USH2A: variants seen among roughly 807,000 people sequenced by gnomAD.
USH2A encodes the protein usherin, also known as Usher syndrome 2A (autosomal recessive, mild).
A neutral mutation model predicts 538.9 loss-of-function variants in USH2A; 443 were observed. The observed-to-expected ratio is 0.82, with a 90% CI of 0.76 to 0.89. USH2A has a LOEUF of 0.89. USH2A is among the 40% of genes least tolerant of loss of function. The pLI is 0.00. For missense variants in USH2A, 6,633 were observed against 6,324.8 expected (o/e 1.05, Z -1.65); for synonymous variants, 2,413 against 2,273.5 (o/e 1.06, Z -1.75).
intron 38 of USH2A, among the ~76,000 whole-genome samples, chr1:215,934,291 C>A (rs1197329829): frequency 6.6e-6 from 1 of 151,844 alleles, no homozygotes; most frequent in Non-Finnish European, 1.5e-5. Context: ...TTAAGTAACG[C>A]CTTGAACAAA....
intron 44 of USH2A, 102 bp downstream of exon 44, chr1:215,866,905 C>T (rs1218835176): frequency 1.3e-6 from 2 of 1,515,102 alleles, no homozygotes; most frequent in East Asian, 4.6e-5. Flanking sequence ...AGTAACACTT[C>T]ACTATCAAAA....
intron 37 of USH2A, among the ~76,000 whole-genome samples, chr1:215,949,600 T>A (rs1666860288): frequency 2.0e-5 from 3 of 151,852 alleles, no homozygotes; most frequent in Non-Finnish European, 2.9e-5. Context: ...GGAGAAGAAA[T>A]AAATAGCTCA....
chr1:215,626,644 C>T (rs1002087088), intron 71 of USH2A, among the ~76,000 whole-genome samples: 7 of 151,886 alleles, frequency 4.6e-5, no homozygotes, highest in African/African-American at 7.3e-5. Flanking sequence ...TTATTAGTAC[C>T]GTAAAAAGCA....
At chr1:216,199,372 T>A (rs1184276537) in intron 17 of USH2A, among the ~76,000 whole-genome samples, 1 of 152,188 alleles carries the variant, frequency 6.6e-6, no homozygotes. Context: ...ATGGCAGATG[T>A]CATTAAGAGC....
chr1:215,883,507 C>CT (rs1191481426), intron 41 of USH2A, among the ~76,000 whole-genome samples: 2 of 151,380 alleles, frequency 1.3e-5, no homozygotes, highest in Non-Finnish European at 2.9e-5. Context: ...TGAAATTCTC[C>CT]TTTTTTTCTA....
At chr1:215,741,757 T>G (rs1260321537) in intron 59 of USH2A, among the ~76,000 whole-genome samples, 1 of 152,158 alleles carries the variant, frequency 6.6e-6, no homozygotes, top group Non-Finnish European at 1.5e-5. Flanking sequence ...TATATAGACA[T>G]AAACAATAAG....
intron 14 of USH2A, 30 bp downstream of exon 14, chr1:216,231,923 G>A (rs2035704003): frequency 6.2e-7 from 1 of 1,613,558 alleles, no homozygotes; most frequent in Admixed American, 1.7e-5. Flanking sequence ...TAAAGAAAGA[G>A]TTAAATTATT....
chr1:215,741,726 C>G (rs192054233), intron 59 of USH2A, among the ~76,000 whole-genome samples, 189 bp from the exon 60 acceptor site: 3 of 151,672 alleles, frequency 2.0e-5, no homozygotes, highest in Admixed American at 1.3e-4. Context: ...TTTTGGAAAA[C>G]CCATTAATTA....
chr1:216,105,390 G>C (rs1371585163), intron 21 of USH2A, among the ~76,000 whole-genome samples: 1 of 151,596 alleles, frequency 6.6e-6, no homozygotes, highest in East Asian at 1.9e-4. Flanking sequence ...ACACTATACA[G>C]TACTATTTGT....
intron 35 of USH2A, among the ~76,000 whole-genome samples, chr1:215,975,692 G>A (rs868760334): frequency 7.2e-5 from 11 of 152,218 alleles, no homozygotes; most frequent in South Asian, 2.1e-4. Flanking sequence ...TTTTGTACCA[G>A]TATCATGTTG....
chr1:215,742,340 TG>T (rs1459716002), intron 59 of USH2A, among the ~76,000 whole-genome samples: 1 of 152,134 alleles, frequency 6.6e-6, no homozygotes, highest in Non-Finnish European at 1.5e-5. Flanking sequence ...TGAAGCAAAA[TG>T]TTTTTTATAC....
rs12041679 is a variant in USH2A at position 216,355,307 on chromosome 1, A to G, written c.784+9646T>C. 3.9e-3 allele frequency among the ~76,000 whole-genome samples: 398 copies of G among 103,364 alleles called. 2 individuals carry two copies. The highest frequency in any genetic ancestry group is 0.021 in the East Asian group (79 of 3,766). 67.8% of individuals were successfully genotyped at this position (103,364 alleles called of 152,430 possible). ...TGACAGAGTGAAAGACTCTGCTTCA[A>G]AAAGAAAGAAAGAAAGAAAGAAAGA... On this transcript the variant is annotated intron_variant, in intron 4 of 71. Coordinates refer to ENST00000307340, the MANE Select transcript of USH2A (RefSeq NM_206933.4).
In USH2A at chr1:216,348,671, G is replaced by A. The variant is rs183340514; in HGVS notation, c.784+16282C>T. Among the ~76,000 whole-genome samples the A allele has an allele frequency of 1.7e-3, 257 of 152,080 alleles. 1 individual carries two copies. The highest frequency in any genetic ancestry group is 4.7e-3 in the African/African-American group (194 of 41,488). ...GTATAAGACTAAAGCTCATTTTTGC[G>A]CACAAATCGATTCTATTATAATTTG... On this transcript the variant is annotated intron_variant, in intron 4 of 71. Transcript: ENST00000307340.
intron 37 of USH2A, among the ~76,000 whole-genome samples, chr1:215,950,311 A>C (rs1490714325): frequency 1.3e-5 from 2 of 152,130 alleles, no homozygotes; most frequent in South Asian, 4.1e-4. Context: ...GTACCTATTG[A>C]ATATTAAATA....
At chr1:216,333,762 A>G (rs779311897) in intron 4 of USH2A, among the ~76,000 whole-genome samples, 8 of 152,120 alleles carry the variant, frequency 5.3e-5, no homozygotes, top group Non-Finnish European at 1.2e-4. Flanking sequence ...GATTAACCAC[A>G]GATTTCTTGT....
rs189021130 is a variant in USH2A, at chr1:216,192,308, T to C, written c.4252-1941A>G. On this transcript the variant is annotated intron_variant, in intron 19 of 71. Coordinates refer to ENST00000307340, the MANE Select transcript of USH2A (RefSeq NM_206933.4). The stretch of plus-strand genomic sequence containing the variant: ...GTCAGTTCAGATACAAATTTAATCA[T>C]TGAGAAGGTAAAAAATTGGACTTTG... Among the ~76,000 whole-genome samples the C allele has an allele frequency of 2.8e-4, 42 of 152,206 alleles. No individual in the cohort carries two copies. The East Asian group carries it at 4.3e-3, about 15-fold the overall frequency.
At chr1:215,764,261 C>T (rs1021288493) in intron 56 of USH2A, among the ~76,000 whole-genome samples, 11 of 151,814 alleles carry the variant, frequency 7.2e-5, no homozygotes, top group African/African-American at 1.5e-4. Context: ...GGTGTGTAAA[C>T]GTTAAAAGAA....
chr1:215,738,543 G>A (rs1660215873), intron 60 of USH2A, among the ~76,000 whole-genome samples: 1 of 151,948 alleles, frequency 6.6e-6, no homozygotes. Context: ...AGGTTATTTT[G>A]CTTTGTTTTT....
At chr1:215,880,592 A>G (rs997921792) in intron 41 of USH2A, among the ~76,000 whole-genome samples, 2 of 152,198 alleles carry the variant, frequency 1.3e-5, no homozygotes, top group Admixed American at 6.5e-5. Context: ...TAGCACAGAT[A>G]TAGGACGCTA....
Sources: allele counts gnomAD v4.1 joint callset (sites outside exome capture counted in the v4.1 genomes callset), GRCh38; gene constraint gnomAD v4.1.1; transcripts MANE v1.5; gene names NCBI Gene and HGNC (gene_info 2026-07-23, HGNC 2026-07-21).